The following AKAP13 variants were observed in gnomAD, a reference collection of about 807,000 sequenced individuals.
AKAP13 encodes A-kinase anchoring protein 13, also known as A-kinase anchor protein 13.
Under a neutral mutation model 264.5 loss-of-function variants are expected in AKAP13, and 80 were observed. The observed-to-expected ratio is 0.30, with a 90% CI of 0.25 to 0.36. The LOEUF is 0.36. AKAP13 is among the 10% of genes least tolerant of loss of function. AKAP13 has a pLI of 1.00. For missense variants in AKAP13, 3,712 were observed against 3,435.2 expected, an observed-to-expected ratio of 1.08 and a Z score of -2.01; for synonymous variants, 1,380 against 1,250.2, an observed-to-expected ratio of 1.10 and a Z score of -2.19.
intron 1 of AKAP13, among the ~76,000 whole-genome samples, chr15:85,452,332 C>G (rs1003987074): frequency 2.0e-5 from 3 of 151,438 alleles, no homozygotes; most frequent in Admixed American, 2.0e-4. Flanking sequence ...TCTCAATGAT[C>G]TTTGTTCCTA....
rs74601404 is a variant in AKAP13, at chr15:85,539,671, G to A, written c.479-4101G>A. ...ACATCAACTTTTTTGCAGATCTGAG[G>A]GAAGGTGTGTGACAGGTGTGTCCAG... is the stretch of plus-strand genomic sequence containing the variant. On this transcript the variant is annotated intron_variant, in intron 4 of 36. Transcript: ENST00000394518. Among the ~76,000 whole-genome samples the A allele has an allele frequency of 3.7e-4, 57 of 152,208 alleles. 2 individuals are homozygous for A. Among genetic ancestry groups the A allele is most frequent in the Admixed American group, 9.2e-4 (14 of 15,288 alleles).
intron 35 of AKAP13, 63 bp from the exon 36 acceptor site, chr15:85,743,429 T>C (rs1460262394): frequency 2.0e-6 from 3 of 1,538,146 alleles, no homozygotes; most frequent in African/African-American, 1.4e-5. Context: ...CCAGGATTTA[T>C]TGAGTTGGCA....
chr15:85,733,873 C>CTTTTTTTTTTTTTTTTT (rs72092500), intron 30 of AKAP13, among the ~76,000 whole-genome samples: 5 of 82,592 alleles, frequency 6.1e-5, no homozygotes, highest in Non-Finnish European at 9.2e-5. Context: ...TCTTTCTTTT[C>CTTTTTTTTTTTTTTTTT]TTTTTTTTTT....
At chr15:85,456,534 G>A (rs751289019) in intron 1 of AKAP13, among the ~76,000 whole-genome samples, 1 of 148,082 alleles carries the variant, frequency 6.8e-6, no homozygotes, top group Non-Finnish European at 1.5e-5. Context: ...AGTGTTCCCA[G>A]AGTAGCCCAC....
intron 10 of AKAP13, among the ~76,000 whole-genome samples, chr15:85,651,275 C>G (rs959127506): frequency 6.6e-6 from 1 of 152,152 alleles, no homozygotes; most frequent in Non-Finnish European, 1.5e-5. Flanking sequence ...CACCCGTATA[C>G]CCACTACTTA....
intron 1 of AKAP13, among the ~76,000 whole-genome samples, chr15:85,404,794 T>C (rs1026595250): frequency 1.3e-5 from 2 of 152,260 alleles, no homozygotes; most frequent in African/African-American, 4.8e-5. Context: ...ACTGAATGAA[T>C]GGCTGTTAGA....
chr15:85,689,784 G>A (rs2085170499), intron 16 of AKAP13: 1 of 152,268 alleles, frequency 6.6e-6, no homozygotes, highest in South Asian at 2.1e-4. Flanking sequence ...TTTGGGGGGA[G>A]TGAGGTCTCG....
chr15:85,568,481 G>A (rs2078688942), intron 5 of AKAP13, among the ~76,000 whole-genome samples: 7 of 152,142 alleles, frequency 4.6e-5, no homozygotes. Flanking sequence ...TTACAGTTTG[G>A]CTGCAGAATG....
chr15:85,517,328 T>A (rs2076641259), intron 2 of AKAP13, among the ~76,000 whole-genome samples: 2 of 150,862 alleles, frequency 1.3e-5, no homozygotes, highest in Non-Finnish European at 2.9e-5. Context: ...ATCCCCCAAA[T>A]ACGTTTCCCT....
chr15:85,706,891 T>C (rs2086304751), intron 17 of AKAP13, among the ~76,000 whole-genome samples: 1 of 152,174 alleles, frequency 6.6e-6, no homozygotes, highest in African/African-American at 2.4e-5. Flanking sequence ...GGAATAGGCC[T>C]TTGAGGTCTG....
At chr15:85,741,786 A>G (rs752504030) in intron 35 of AKAP13, among the ~76,000 whole-genome samples, 1 of 151,830 alleles carries the variant, frequency 6.6e-6, no homozygotes, top group Non-Finnish European at 1.5e-5. Flanking sequence ...GCTCACACCT[A>G]TAAATCCCAG....
intron 35 of AKAP13, among the ~76,000 whole-genome samples, chr15:85,742,596 A>G (rs1470124092): frequency 1.3e-5 from 2 of 152,334 alleles, no homozygotes; most frequent in Admixed American, 6.5e-5. Context: ...ACTGCTGATG[A>G]AAAACCTCTC....
chr15:85,602,252 T>C (rs891376144), intron 8 of AKAP13, among the ~76,000 whole-genome samples: 1 of 152,042 alleles, frequency 6.6e-6, no homozygotes, highest in African/African-American at 2.4e-5. Context: ...CTCGGCCCAC[T>C]GCAACCTCTA....
intron 1 of AKAP13, among the ~76,000 whole-genome samples, chr15:85,450,624 A>G (rs2074053582): frequency 6.6e-6 from 1 of 152,156 alleles, no homozygotes; most frequent in African/African-American, 2.4e-5. Flanking sequence ...CCTAAAAGTC[A>G]TTCAGGAGCA....
intron 5 of AKAP13, among the ~76,000 whole-genome samples, chr15:85,550,026 C>G (rs753953519): frequency 6.6e-6 from 1 of 152,182 alleles, no homozygotes; most frequent in Admixed American, 6.5e-5. Flanking sequence ...AAGTGATTCT[C>G]CTGCCTTAGC....
chr15:85,716,786 T>C (rs16943574), intron 20 of AKAP13, among the ~76,000 whole-genome samples: 9,015 of 152,308 alleles, frequency 0.059, 292 homozygotes, highest in Middle Eastern at 0.071. Flanking sequence ...AAAGTTTGTA[T>C]GCATTGTAAC....
chr15:85,725,538 T>C (rs2087567664), intron 26 of AKAP13, among the ~76,000 whole-genome samples: 1 of 152,218 alleles, frequency 6.6e-6, no homozygotes, highest in Non-Finnish European at 1.5e-5. Context: ...TTCTGTTTTC[T>C]TCATAGCTTT....
chr15:85,613,314 G>A (rs1345253748), intron 8 of AKAP13, among the ~76,000 whole-genome samples: 1 of 152,104 alleles, frequency 6.6e-6, no homozygotes, highest in Non-Finnish European at 1.5e-5. Context: ...ATTCTGTATT[G>A]TATAGAAGAT....
At position 85,425,745 on chromosome 15, in the gene AKAP13, A is replaced by T. The variant is rs1413074629; in HGVS notation, c.-12+44947A>T. On this transcript the variant is annotated intron_variant, in intron 1 of 36. Coordinates refer to ENST00000394518, the MANE Select transcript of AKAP13 (RefSeq NM_007200.5). ...AAAAAAAAAAAAAAGAACTTACCTC[A>T]GTTAGGACTTAATTATCCTCTTTGC... Among the ~76,000 whole-genome samples, 8 of 150,722 alleles carry T rather than the reference A, an allele frequency of 5.3e-5. No individual in the cohort carries two copies. The South Asian group carries it at 1.5e-3, about 28-fold the overall frequency.
Sources: allele counts gnomAD v4.1 joint callset (sites outside exome capture counted in the v4.1 genomes callset), GRCh38; gene constraint gnomAD v4.1.1; transcripts MANE v1.5; gene names NCBI Gene and HGNC (gene_info 2026-07-23, HGNC 2026-07-21).